The following MVK variants were observed in gnomAD, a reference collection of about 807,000 sequenced individuals.
The protein encoded by MVK is mevalonate kinase.
In MVK, 34 loss-of-function variants were observed where a neutral mutation model predicts 43.2. The observed-to-expected ratio is 0.79, with a 90% confidence interval of 0.60 to 1.05. The LOEUF (loss-of-function observed/expected upper bound fraction) is 1.05, where lower values mean the gene tolerates loss of function less well. MVK is among the 50% of genes least tolerant of loss of function. The pLI, the probability that MVK is intolerant of heterozygous loss-of-function variation, is 0.00. For synonymous variants in MVK, 190 were observed against 219.8 expected (o/e 0.86, Z 1.20); for missense variants, 395 against 504.0 (o/e 0.78, Z 2.07).
In MVK at chr12:109,595,085, C is replaced by G; in HGVS notation, c.943C>G (p.Leu315Val). ...TGCCCTCGGCGTGGGCCACGCCTCT[C>G]TGGACCAGCTCTGCCAGGTGACCAG... ...LNALGVGHAS[L>V]DQLCQVTRAR... The change falls in exon 10 of 11, where the codon CTG becomes GTG. Residue 315 changes from leucine to valine, a missense_variant. Coordinates refer to ENST00000228510, the MANE Select transcript of MVK (RefSeq NM_000431.4). The surrounding 1 kb of genome is among the most constrained non-coding windows in gnomAD (Gnocchi z 5.9). 1 of 1,614,208 alleles carries G rather than the reference C, an allele frequency of 6.2e-7. No individual in the cohort carries two copies. The highest frequency in any genetic ancestry group is 8.5e-7 in the Non-Finnish European group (1 of 1,180,042).
At chr12:109,573,309 G>A, upstream of MVK, 1 of 1,611,656 alleles carries the variant, frequency 6.2e-7, no homozygotes, top group Non-Finnish European at 8.5e-7. Flanking sequence ...CACGATTCAC[G>A]GCAGGTGTTC....
Position 109,594,731 on chromosome 12 carries a change from C to T in MVK, c.886-297C>T, listed in dbSNP as rs560779891. Among the ~76,000 whole-genome samples, 17 of 152,334 alleles carry T rather than the reference C, an allele frequency of 1.1e-4. No homozygotes were observed. In the South Asian group the frequency reaches 2.5e-3, roughly 22 times the overall value. ...CCTGGGAGGGCTGTGATTGGCCCAG[C>T]TTGGACCACATGCCCATCCCTGATC... On this transcript the variant is annotated intron_variant, in intron 9 of 10. Transcript: ENST00000228510.
At chr12:109,579,770 C>T in intron 3 of MVK, 32 bp from the exon 4 acceptor site, 1 of 1,614,120 alleles carries the variant, frequency 6.2e-7, no homozygotes, top group Non-Finnish European at 8.5e-7. Context: ...CCCTCTCACC[C>T]ACTTGTGTTT....
chr12:109,590,517 T>G, intron 7 of MVK: 2 of 543,194 alleles, frequency 3.7e-6, no homozygotes, highest in East Asian at 6.8e-5. Context: ...GCCTAGCATG[T>G]TGTAGGTCCC....
chr12:109,591,515 C>T (rs570846132), intron 9 of MVK, among the ~76,000 whole-genome samples, 158 bp downstream of exon 9: 21 of 152,340 alleles, frequency 1.4e-4, no homozygotes, highest in African/African-American at 4.8e-4. Flanking sequence ...CAGGTCTGTG[C>T]GTGCCATATA....
intron 5 of MVK, among the ~76,000 whole-genome samples, chr12:109,582,023 G>A (rs1885239876): frequency 6.6e-6 from 1 of 152,318 alleles, no homozygotes; most frequent in Non-Finnish European, 1.5e-5. Flanking sequence ...ACATTAGGGG[G>A]TGTGCCCATT....
chr12:109,596,909 C>T lies in MVK; in HGVS notation c.*332C>T, dbSNP rs574536495. On this transcript the variant is annotated 3_prime_UTR_variant, in exon 11 of 11. Transcript: ENST00000228510. ...CGCCTTGGCCTGTGTTCTTCCTGGC[C>T]GCCTGGGTCCAATGCTCAGGTGCTG... is the stretch of plus-strand genomic sequence containing the variant. 2.0e-3 allele frequency: 829 copies of T among 410,452 alleles called. 1 individual carries two copies. The highest frequency in any genetic ancestry group is 3.3e-3 in the Non-Finnish European group (712 of 218,546). 25.4% of individuals were successfully genotyped at this position (410,452 alleles called of 1,614,324 possible). A position where few individuals can be genotyped will look rare whatever the true frequency, so the allele number is the denominator to read the frequency against.
chr12:109,579,505 A>G (rs768173926), intron 3 of MVK, among the ~76,000 whole-genome samples: 3 of 152,146 alleles, frequency 2.0e-5, no homozygotes, highest in Non-Finnish European at 2.9e-5. Context: ...TACACCCCTT[A>G]TTTAACTTTA....
In MVK at chr12:109,581,458, C is replaced by T. The variant is rs888035166; in HGVS notation, c.435C>T (p.Ser145=). ...SELPPGAGLG[S]SAAYSVCLAA... ...TGCCCCCCGGGGCGGGCTTGGGCTC[C>T]AGCGCCGCCTACTCGGTGTGTCTGG... The change falls in exon 5 of 11, where the codon TCC becomes TCT. Residue 145 remains serine (S), a synonymous_variant. Coordinates refer to ENST00000228510, the MANE Select transcript of MVK (RefSeq NM_000431.4). 2.5e-6 allele frequency: 4 copies of T among 1,614,072 alleles called. No homozygotes were observed. In the African/African-American group the frequency reaches 5.3e-5, roughly 22 times the overall value.
At chr12:109,573,425 C>T (rs10774775), upstream of MVK, 434,671 of 1,607,798 alleles carry the variant, frequency 0.27, 60,788 homozygotes, top group African/African-American at 0.41. Flanking sequence ...GAAGCACCCG[C>T]GCAGGCCAAG....
chr12:109,574,998 G>C, intron 2 of MVK, 98 bp downstream of exon 2: 1 of 1,211,454 alleles, frequency 8.3e-7, no homozygotes, highest in Non-Finnish European at 1.2e-6. Flanking sequence ...CAGCTTGGGA[G>C]CAGATCAGAG....
At chr12:109,576,225 A>T in intron 3 of MVK, 80 bp downstream of exon 3, 1 of 1,573,438 alleles carries the variant, frequency 6.4e-7, no homozygotes, top group Non-Finnish European at 8.7e-7. Flanking sequence ...GCTGTCCCCA[A>T]GGGAGCCAGG....
At chr12:109,573,426 G>C (rs1566139298), upstream of MVK, 7 of 1,607,352 alleles carry the variant, frequency 4.4e-6, no homozygotes, top group South Asian at 7.7e-5. Flanking sequence ...AAGCACCCGC[G>C]CAGGCCAAGA....
Position 109,596,869 on chromosome 12 carries a change from T to A in MVK, c.*292T>A. Reference sequence around the variant, plus strand: ...CTTCCCTGAAGCTCCCACAGTCCCATCTGCTTCAGGCCCCCGCCTTGGCCT... The same window carrying A: ...CTTCCCTGAAGCTCCCACAGTCCCAACTGCTTCAGGCCCCCGCCTTGGCCT... On this transcript the variant is annotated 3_prime_UTR_variant, in exon 11 of 11. Transcript: ENST00000228510. 1 of 507,082 alleles carries A rather than the reference T, an allele frequency of 2.0e-6. No individual in the cohort carries two copies. The highest frequency in any genetic ancestry group is 2.1e-5 in the South Asian group (1 of 48,616). The allele number at this position is 507,082 out of a possible 1,614,324, so 31.4% of individuals were successfully genotyped here. A position where few individuals can be genotyped will look rare whatever the true frequency, so the allele number is the denominator to read the frequency against.
At chr12:109,586,174 T>C in intron 6 of MVK, 49 bp downstream of exon 6, 1 of 1,426,360 alleles carries the variant, frequency 7.0e-7, no homozygotes, top group South Asian at 1.2e-5. Flanking sequence ...TAAAAATTCT[T>C]ATTACAATGG....
chr12:109,585,945 C>A, intron 5 of MVK, 77 bp from the exon 6 acceptor site: 2 of 1,215,710 alleles, frequency 1.6e-6, no homozygotes, highest in Non-Finnish European at 2.4e-6. Flanking sequence ...CCTTGGCCTG[C>A]CCAGCACAGC....
At chr12:109,594,080 G>C (rs752794947) in intron 9 of MVK, among the ~76,000 whole-genome samples, 5 of 151,854 alleles carry the variant, frequency 3.3e-5, no homozygotes, top group Non-Finnish European at 4.4e-5. Context: ...AGAAGACCTT[G>C]CTCAAGGACA....
chr12:109,586,169 A>G (rs772356872), intron 6 of MVK, 44 bp downstream of exon 6: 2 of 1,477,432 alleles, frequency 1.4e-6, no homozygotes, highest in Non-Finnish European at 1.9e-6. Flanking sequence ...TATTTTAAAA[A>G]TTCTTATTAC....
At position 109,596,694 on chromosome 12, in the gene MVK, C is replaced by T; in HGVS notation, c.*117C>T. On this transcript the variant is annotated 3_prime_UTR_variant, in exon 11 of 11. Transcript: ENST00000228510. ...CCAGCTCCTGACACTGCTGGAGAGG[C>T]CCCAGCCGCTTGGCGATGCCAGCCA... 1 of 1,425,768 alleles carries T rather than the reference C, an allele frequency of 7.0e-7. No individual in the cohort carries two copies. The highest frequency in any genetic ancestry group is 9.6e-7 in the Non-Finnish European group (1 of 1,045,430). The allele number at this position is 1,425,768 out of a possible 1,614,324, so 88.3% of individuals were successfully genotyped here. A position where few individuals can be genotyped will look rare whatever the true frequency, so the allele number is the denominator to read the frequency against.
Sources: gnomAD v4.1 joint callset for allele counts (sites outside exome capture counted in the v4.1 genomes callset) on GRCh38, gnomAD v4.1.1 for gene constraint, Gnocchi (gnomAD v3.1) non-coding constraint, MANE v1.5 for transcripts, NCBI Gene and HGNC (gene_info 2026-07-23, HGNC 2026-07-21) for gene names.